HYDIN: variants seen among roughly 807,000 people sequenced by gnomAD.
The protein encoded by HYDIN is axonemal central pair apparatus protein HYDIN.
Under a neutral mutation model 403.9 loss-of-function variants are expected in HYDIN, and 132 were observed. That is an observed-to-expected ratio of 0.33 (90% CI 0.28 to 0.38). The LOEUF is 0.38. Among genes scored for constraint, HYDIN ranks in the 10% least tolerant of loss-of-function variants. The pLI, the probability that HYDIN is intolerant of heterozygous loss-of-function variation, is 1.00. For missense variants in HYDIN, 2,827 were observed against 5,009.5 expected (o/e 0.56, Z 13.15); for synonymous variants, 1,202 against 1,891.7 (o/e 0.64, Z 9.46).
intron 42 of HYDIN, among the ~76,000 whole-genome samples, chr16:70,942,476 A>G (rs2077709907): frequency 6.6e-6 from 1 of 152,242 alleles, no homozygotes; most frequent in Non-Finnish European, 1.5e-5. Context: ...AGTCACAGGC[A>G]GCAGGGGGAG....
intron 53 of HYDIN, among the ~76,000 whole-genome samples, chr16:70,900,721 A>T (rs901728041): frequency 1.4e-5 from 2 of 141,604 alleles, no homozygotes; most frequent in African/African-American, 5.7e-5. Context: ...TCATTTGTTC[A>T]TTCATTCATT....
rs1282624510 is a variant in HYDIN, at chr16:71,178,931, G to C, written c.378C>G (p.Asp126Glu). 1.2e-6 allele frequency: 2 copies of C among 1,610,788 alleles called. No homozygotes were observed. Among genetic ancestry groups the C allele is most frequent in the Non-Finnish European group, 1.7e-6 (2 of 1,178,462 alleles). Reference protein sequence around the residue: ...YEVPLILRNNDKIPRLVKVVE... With the variant: ...YEVPLILRNNEKIPRLVKVVE... The stretch of plus-strand genomic sequence containing the variant: ...CCACCCCAGTGAACATACTCACTTT[G>C]TCATTGTTCCTCAAAATCAGTGGAA... The change falls in exon 4 of 86, where the codon GAC becomes GAG. Residue 126 changes from aspartate to glutamate, a missense_variant. By Grantham distance (45) the Asp-to-Glu change is conservative. Coordinates refer to ENST00000393567, the MANE Select transcript of HYDIN (RefSeq NM_001270974.2).
intron 83 of HYDIN, among the ~76,000 whole-genome samples, chr16:70,819,474 C>T (rs1458030444): frequency 2.7e-5 from 4 of 148,256 alleles, no homozygotes; most frequent in African/African-American, 9.9e-5. Flanking sequence ...CAAGGTCACA[C>T]ATAAAGAAGA....
At chr16:71,002,567 AT>A (rs998239084) in intron 23 of HYDIN, among the ~76,000 whole-genome samples, 3 of 149,840 alleles carry the variant, frequency 2.0e-5, no homozygotes, top group African/African-American at 7.5e-5. Context: ...AAAAAAAAAA[AT>A]TCTTCCTTAT....
At chr16:71,021,758 CCTT>C (rs2080504396) in intron 21 of HYDIN, among the ~76,000 whole-genome samples, 1 of 152,164 alleles carries the variant, frequency 6.6e-6, no homozygotes, top group African/African-American at 2.4e-5. Flanking sequence ...TCCTAGGCCT[CCTT>C]GTTTTCATTT....
intron 69 of HYDIN, 83 bp downstream of exon 69, chr16:70,861,965 C>A (rs2039441748): frequency 7.7e-7 from 1 of 1,299,916 alleles, no homozygotes; most frequent in Non-Finnish European, 1.0e-6. Context: ...AGGATGGTGG[C>A]AGTGGTTGGA....
At chr16:70,973,027 T>G (rs1486665379) in intron 35 of HYDIN, among the ~76,000 whole-genome samples, 1 of 152,218 alleles carries the variant, frequency 6.6e-6, no homozygotes, top group Non-Finnish European at 1.5e-5. Context: ...ATGACTATTT[T>G]TTCTTTTATC....
At chr16:71,114,501 C>A (rs923021355) in intron 10 of HYDIN, among the ~76,000 whole-genome samples, 1 of 152,028 alleles carries the variant, frequency 6.6e-6, no homozygotes, top group Non-Finnish European at 1.5e-5. Flanking sequence ...TTAAGCAGTT[C>A]CTTTCACTAA....
intron 23 of HYDIN, among the ~76,000 whole-genome samples, chr16:71,009,332 A>G (rs1475478188): frequency 6.7e-6 from 1 of 150,256 alleles, no homozygotes; most frequent in Non-Finnish European, 1.5e-5. Context: ...CTGTGCCTGA[A>G]GCCTGAACCT....
At chr16:71,022,728 A>T (rs1271904200) in intron 21 of HYDIN, among the ~76,000 whole-genome samples, 1 of 148,054 alleles carries the variant, frequency 6.8e-6, no homozygotes, top group East Asian at 1.9e-4. Flanking sequence ...ACAGATTTCA[A>T]ACTTCTCATC....
chr16:71,219,765 G>A (rs895129517), intron 1 of HYDIN, among the ~76,000 whole-genome samples: 1 of 152,124 alleles, frequency 6.6e-6, no homozygotes, highest in Non-Finnish European at 1.5e-5. Context: ...AACCCTTCCA[G>A]CAATAATCCT....
chr16:71,210,297 G>C (rs904252269), intron 1 of HYDIN, among the ~76,000 whole-genome samples: 2 of 152,168 alleles, frequency 1.3e-5, no homozygotes, highest in South Asian at 2.1e-4. Context: ...AGAAAATGTG[G>C]TATATATAGA....
chr16:71,087,783 C>T (rs551149524), intron 12 of HYDIN: 2 of 151,886 alleles, frequency 1.3e-5, no homozygotes, highest in African/African-American at 4.9e-5. Context: ...CTAGCAGTTA[C>T]CAGAATAAGA....
intron 4 of HYDIN, among the ~76,000 whole-genome samples, chr16:71,178,419 CAAAA>C (rs72161442): frequency 0.054 from 6,653 of 123,906 alleles, 484 homozygotes; most frequent in Admixed American, 0.22. Context: ...AACTCTGTCT[CAAAA>C]AAAAAAAAAA....
intron 6 of HYDIN, among the ~76,000 whole-genome samples, chr16:71,156,513 T>C (rs2085774489): frequency 6.6e-6 from 1 of 152,226 alleles, no homozygotes; most frequent in African/African-American, 2.4e-5. Flanking sequence ...TGGTTCAGTC[T>C]ATCAAAATAT....
chr16:70,808,091 A>G, intron 85 of HYDIN, 29 bp from the exon 86 acceptor site: 7 of 1,571,124 alleles, frequency 4.5e-6, no homozygotes, highest in Non-Finnish European at 6.1e-6. Flanking sequence ...AACTCAGCTC[A>G]CGTGAGATCC....
intron 10 of HYDIN, among the ~76,000 whole-genome samples, chr16:71,107,309 T>C (rs1396686484): frequency 7.1e-6 from 1 of 140,668 alleles, no homozygotes; most frequent in African/African-American, 2.7e-5. Flanking sequence ...AAAAAACAAG[T>C]AAAATTAAAT....
intron 36 of HYDIN, among the ~76,000 whole-genome samples, chr16:70,970,103 G>C (rs369937209): frequency 6.3e-5 from 2 of 31,846 alleles, no homozygotes; most frequent in African/African-American, 2.7e-4. Context: ...ATTCCTGAAA[G>C]CAAAAAATTC....
chr16:70,821,792 A>G (rs1209196677), intron 83 of HYDIN, among the ~76,000 whole-genome samples: 2 of 152,082 alleles, frequency 1.3e-5, no homozygotes, highest in African/African-American at 4.8e-5. Context: ...ATTATGTTAA[A>G]TCTACTCTGC....
Sources: gnomAD v4.1 joint callset for allele counts (sites outside exome capture counted in the v4.1 genomes callset) on GRCh38, gnomAD v4.1.1 for gene constraint, MANE v1.5 for transcripts, NCBI Gene and HGNC (gene_info 2026-07-23, HGNC 2026-07-21) for gene names.